CACNB2: variants seen among roughly 807,000 people sequenced by gnomAD.
CACNB2 encodes voltage-dependent L-type calcium channel subunit beta-2.
A neutral mutation model predicts 73.3 loss-of-function variants in CACNB2; 42 were observed. The ratio of observed to expected loss-of-function variants is 0.57; its 90% CI spans 0.45 to 0.74. CACNB2 has a LOEUF of 0.74. Ranked by LOEUF, CACNB2 falls within the 30% of genes least tolerant of loss-of-function variation. The pLI, the probability that CACNB2 is intolerant of heterozygous loss-of-function variation, is 0.00. For missense variants in CACNB2, 940 were observed against 853.0 expected (o/e 1.10, Z -1.27); for synonymous variants, 348 against 310.3 (o/e 1.12, Z -1.28).
chr10:18,333,643 T>C (rs1294239861), intron 2 of CACNB2, among the ~76,000 whole-genome samples: 2 of 152,262 alleles, frequency 1.3e-5, no homozygotes, highest in Non-Finnish European at 2.9e-5. Flanking sequence ...CACTAGAGTT[T>C]TGTTTTGCTG....
rs987600208 is a variant in CACNB2 at position 18,208,244 on chromosome 10, A to G, written c.213+57269A>G. ...CACTTTGGGAGGCTGAGGCTGGAGG[A>G]TGACTTGAGCTCAGGAGTTCAAGAT... On this transcript the variant is annotated intron_variant, in intron 2 of 13. Transcript: ENST00000324631. Among the ~76,000 whole-genome samples the G allele has an allele frequency of 2.6e-5, 4 of 152,160 alleles. No homozygotes were observed. In the East Asian group the frequency reaches 7.7e-4, roughly 29 times the overall value.
chr10:18,462,899 C>T (rs1365969996), intron 3 of CACNB2, among the ~76,000 whole-genome samples: 1 of 152,014 alleles, frequency 6.6e-6, no homozygotes, highest in Admixed American at 6.6e-5. Context: ...GCTGGGATTA[C>T]AGGTGTGTGC....
intron 2 of CACNB2, among the ~76,000 whole-genome samples, chr10:18,302,415 A>C (rs1004640984): frequency 2.6e-5 from 4 of 152,216 alleles, no homozygotes; most frequent in African/African-American, 9.6e-5. Flanking sequence ...ATAGCAGCAG[A>C]ATTCGCAATT....
At chr10:18,236,361 A>G (rs2489199) in intron 2 of CACNB2, among the ~76,000 whole-genome samples, 130,076 of 152,274 alleles carry the variant, frequency 0.85, 55,921 homozygotes, top group African/African-American at 0.94. Context: ...GCAAGCCCAC[A>G]GTATGGACAT....
intron 3 of CACNB2, among the ~76,000 whole-genome samples, chr10:18,418,915 C>A (rs1436457298): frequency 6.6e-6 from 1 of 152,214 alleles, no homozygotes; most frequent in Non-Finnish European, 1.5e-5. Flanking sequence ...TTTTAAACAA[C>A]CAACTATCCC....
At chr10:18,155,239 CCTTA>C (rs2031946599) in intron 2 of CACNB2, among the ~76,000 whole-genome samples, 1 of 152,220 alleles carries the variant, frequency 6.6e-6, no homozygotes. Context: ...TAATCACCAT[CCTTA>C]CTTCCAATAC....
chr10:18,332,948 T>C (rs975611688), intron 2 of CACNB2, among the ~76,000 whole-genome samples: 7 of 152,190 alleles, frequency 4.6e-5, no homozygotes, highest in African/African-American at 1.7e-4. Flanking sequence ...GCTATGATTT[T>C]CAGTGTCAAA....
intron 2 of CACNB2, among the ~76,000 whole-genome samples, chr10:18,372,976 A>AT (rs893131417): frequency 2.0e-5 from 3 of 151,602 alleles, no homozygotes; most frequent in Non-Finnish European, 2.9e-5. Context: ...CACCCAGCTT[A>AT]TTTTTTTTAT....
At chr10:18,480,395 T>A (rs1030585395) in intron 3 of CACNB2, among the ~76,000 whole-genome samples, 1 of 152,232 alleles carries the variant, frequency 6.6e-6, no homozygotes, top group East Asian at 1.9e-4. Flanking sequence ...TTAATAGTTA[T>A]CTGTGGTAAG....
intron 2 of CACNB2, among the ~76,000 whole-genome samples, chr10:18,328,943 A>G (rs546508647): frequency 3.3e-5 from 5 of 152,272 alleles, no homozygotes; most frequent in African/African-American, 1.2e-4. Context: ...ATACTCAGAG[A>G]ATAGTTTTGA....
intron 2 of CACNB2, among the ~76,000 whole-genome samples, chr10:18,169,276 T>G (rs2033073480): frequency 6.6e-6 from 1 of 152,186 alleles, no homozygotes; most frequent in Non-Finnish European, 1.5e-5. Flanking sequence ...AAAAGTCTTG[T>G]GTACAATGAG....
intron 2 of CACNB2, among the ~76,000 whole-genome samples, chr10:18,211,610 A>G (rs540892417): frequency 6.6e-6 from 1 of 152,276 alleles, no homozygotes; most frequent in Admixed American, 6.5e-5. Context: ...CTCTTTAAGC[A>G]ATGTATAGTA....
chr10:18,457,192 G>A lies in CACNB2; in HGVS notation c.334-41163G>A, dbSNP rs192253330. ...TGCAGGCTCAACCTCCTGGGGCTGCGTGATCCTCCTGCCTCAGCTTCCTGG... is the reference window on the plus strand; with the variant it reads ...TGCAGGCTCAACCTCCTGGGGCTGCATGATCCTCCTGCCTCAGCTTCCTGG... On this transcript the variant is annotated intron_variant, in intron 3 of 13. Coordinates refer to ENST00000324631, the MANE Select transcript of CACNB2 (RefSeq NM_201596.3). 2.9e-4 allele frequency among the ~76,000 whole-genome samples: 44 copies of A among 152,242 alleles called. 2 individuals are homozygous for A. The East Asian group carries it at 7.4e-3, about 25-fold the overall frequency.
chr10:18,493,107 A>G (rs1163571308), intron 3 of CACNB2, among the ~76,000 whole-genome samples: 1 of 152,250 alleles, frequency 6.6e-6, no homozygotes, highest in Non-Finnish European at 1.5e-5. Flanking sequence ...TGTATTAGGT[A>G]TTATAACTGC....
At chr10:18,411,025 G>GA (rs1206448546) in intron 3 of CACNB2, among the ~76,000 whole-genome samples, 2 of 152,172 alleles carry the variant, frequency 1.3e-5, no homozygotes, top group East Asian at 3.9e-4. Flanking sequence ...GATACCTTAT[G>GA]AAAAACGCAA....
intron 2 of CACNB2, among the ~76,000 whole-genome samples, chr10:18,280,324 C>G (rs2038486707): frequency 1.3e-5 from 2 of 152,112 alleles, no homozygotes; most frequent in Non-Finnish European, 2.9e-5. Context: ...ATGAAATACT[C>G]ATAACCTATG....
At chr10:18,423,840 G>C (rs1163202103) in intron 3 of CACNB2, among the ~76,000 whole-genome samples, 3 of 152,048 alleles carry the variant, frequency 2.0e-5, no homozygotes, top group Admixed American at 6.6e-5. Context: ...CATGATTACT[G>C]GAAAGAGTTT....
intron 2 of CACNB2, among the ~76,000 whole-genome samples, chr10:18,331,269 C>T (rs544390273): frequency 6.6e-6 from 1 of 152,114 alleles, no homozygotes; most frequent in East Asian, 1.9e-4. Context: ...CAGGCATGAG[C>T]CACCGTGCCT....
At chr10:18,238,001 G>A (rs184807416) in intron 2 of CACNB2, among the ~76,000 whole-genome samples, 6 of 152,282 alleles carry the variant, frequency 3.9e-5, no homozygotes, top group Admixed American at 1.3e-4. Flanking sequence ...TCTCTGTAGC[G>A]TGGAGCATAT....
Sources: gnomAD v4.1 joint callset for allele counts (sites outside exome capture counted in the v4.1 genomes callset) on GRCh38, gnomAD v4.1.1 for gene constraint, MANE v1.5 for transcripts, NCBI Gene and HGNC (gene_info 2026-07-23, HGNC 2026-07-21) for gene names.